PALM2AKAP2: variants seen among roughly 807,000 people sequenced by gnomAD.
PALM2AKAP2 encodes PALM2 and AKAP2 fusion.
In PALM2AKAP2, 37 loss-of-function variants were observed where a neutral mutation model predicts 71.5. The observed-to-expected ratio is 0.52, with a 90% CI of 0.40 to 0.68. The LOEUF (loss-of-function observed/expected upper bound fraction) is 0.68, where lower values mean the gene tolerates loss of function less well. Ranked by LOEUF, PALM2AKAP2 falls within the 30% of genes least tolerant of loss-of-function variation. The pLI is 0.00. For missense variants in PALM2AKAP2, 1,224 were observed against 1,191.8 expected (o/e 1.03, Z -0.40); for synonymous variants, 468 against 478.8 (o/e 0.98, Z 0.29).
chr9:109,797,669 G>C (rs937173994), intron 1 of PALM2AKAP2, among the ~76,000 whole-genome samples: 1 of 152,200 alleles, frequency 6.6e-6, no homozygotes, highest in African/African-American at 2.4e-5. Flanking sequence ...TGAACCGCCA[G>C]GGCAGGGGCA....
intron 6 of PALM2AKAP2, among the ~76,000 whole-genome samples, chr9:110,000,151 T>C (rs55812848): frequency 0.022 from 3,154 of 146,258 alleles, 57 homozygotes; most frequent in South Asian, 0.088. Context: ...CCTAATGCTA[T>C]CCCTCCCCCC....
At chr9:110,036,889 T>G (rs1473123920) in intron 7 of PALM2AKAP2, among the ~76,000 whole-genome samples, 1 of 152,168 alleles carries the variant, frequency 6.6e-6, no homozygotes, top group East Asian at 1.9e-4. Flanking sequence ...TCTCCAGGTC[T>G]CTGCTCAAAT....
intron 1 of PALM2AKAP2, among the ~76,000 whole-genome samples, chr9:109,757,772 A>AG (rs1415386854): frequency 5.9e-5 from 9 of 152,128 alleles, no homozygotes; most frequent in African/African-American, 1.7e-4. Flanking sequence ...AAAAATGTAT[A>AG]GGCTTGTCTA....
chr9:109,869,763 G>A (rs905885982), intron 2 of PALM2AKAP2, among the ~76,000 whole-genome samples: 1 of 152,116 alleles, frequency 6.6e-6, no homozygotes, highest in East Asian at 1.9e-4. Context: ...AAGGGAATCA[G>A]CTAGTTCTTT....
intron 1 of PALM2AKAP2, among the ~76,000 whole-genome samples, chr9:110,063,005 G>A (rs913444505): frequency 6.6e-6 from 1 of 152,122 alleles, no homozygotes; most frequent in East Asian, 1.9e-4. Context: ...AGTCACCCAG[G>A]CCCTGCCAGA....
chr9:110,121,694 G>T (rs1419183700), intron 1 of PALM2AKAP2, among the ~76,000 whole-genome samples: 1 of 152,178 alleles, frequency 6.6e-6, no homozygotes, highest in Non-Finnish European at 1.5e-5. Context: ...GTTACATTTA[G>T]CAGAATAAAA....
chr9:109,843,517 G>C (rs1485211200), intron 1 of PALM2AKAP2, among the ~76,000 whole-genome samples: 4 of 151,812 alleles, frequency 2.6e-5, no homozygotes, highest in Middle Eastern at 3.2e-3. Flanking sequence ...TATCATGTGT[G>C]AATATATATA....
chr9:109,929,295 C>T (rs1831035455), intron 5 of PALM2AKAP2, among the ~76,000 whole-genome samples: 1 of 151,576 alleles, frequency 6.6e-6, no homozygotes, highest in South Asian at 2.1e-4. Flanking sequence ...AAGTCAAATT[C>T]ACCAAGATCC....
chr9:109,702,614 G>A (rs1489627868), intron 1 of PALM2AKAP2, among the ~76,000 whole-genome samples: 1 of 151,076 alleles, frequency 6.6e-6, no homozygotes, highest in East Asian at 1.9e-4. Context: ...TAGGGGGGAG[G>A]GATAGCATTA....
chr9:109,905,635 A>T (rs561160402), intron 3 of PALM2AKAP2, among the ~76,000 whole-genome samples: 9 of 152,318 alleles, frequency 5.9e-5, no homozygotes, highest in Admixed American at 5.9e-4. Context: ...CTCCATGACC[A>T]TCCTTCAGTC....
chr9:109,801,093 T>C (rs573157032), intron 1 of PALM2AKAP2, among the ~76,000 whole-genome samples: 1 of 152,174 alleles, frequency 6.6e-6, no homozygotes, highest in Admixed American at 6.5e-5. Context: ...GATAACAGGG[T>C]AGATTTGGGG....
chr9:109,966,136 A>G (rs1381745074), intron 6 of PALM2AKAP2, among the ~76,000 whole-genome samples: 2 of 152,204 alleles, frequency 1.3e-5, no homozygotes, highest in Admixed American at 6.5e-5. Flanking sequence ...CACTAAAACT[A>G]TCTGGGCAGG....
At chr9:109,954,251 T>G (rs1313539517) in intron 6 of PALM2AKAP2, among the ~76,000 whole-genome samples, 1 of 152,104 alleles carries the variant, frequency 6.6e-6, no homozygotes, top group African/African-American at 2.4e-5. Context: ...ATTGTTACTA[T>G]TTCACCACTG....
intron 1 of PALM2AKAP2, among the ~76,000 whole-genome samples, chr9:109,801,544 C>T (rs1250998997): frequency 2.6e-5 from 4 of 152,162 alleles, no homozygotes; most frequent in Admixed American, 2.0e-4. Flanking sequence ...AGCAAAAAAG[C>T]AAGCTCAGGC....
chr9:109,761,623 G>C (rs547372610), intron 1 of PALM2AKAP2, among the ~76,000 whole-genome samples: 31 of 152,282 alleles, frequency 2.0e-4, no homozygotes, highest in African/African-American at 7.2e-4. Context: ...AACATGCCGT[G>C]TTTGGTTTTC....
intron 1 of PALM2AKAP2, among the ~76,000 whole-genome samples, chr9:109,751,182 C>T (rs768515095): frequency 1.3e-4 from 20 of 152,114 alleles, no homozygotes; most frequent in Non-Finnish European, 2.5e-4. Flanking sequence ...TGGGGAACTG[C>T]GGTTGAGTTG....
In PALM2AKAP2 at chr9:109,932,087, C is replaced by G; in HGVS notation, c.496+59C>G. 9 of 1,513,230 alleles carry G rather than the reference C, an allele frequency of 5.9e-6. No homozygotes were observed. In the South Asian group the frequency reaches 1.1e-4, roughly 19 times the overall value. 93.7% of individuals were successfully genotyped at this position (1,513,230 alleles called of 1,614,324 possible). ...TCCAAGGGGCTTGCATTTCACTGAGCTTTATTAATGAGATGAGTGCCCTGC... is the reference window on the plus strand; with the variant it reads ...TCCAAGGGGCTTGCATTTCACTGAGGTTTATTAATGAGATGAGTGCCCTGC... On this transcript the variant is annotated intron_variant, in intron 6 of 9. Coordinates refer to the PALM2AKAP2 transcript ENST00000302798.
chr9:110,164,436 AG>A (rs1488169976), intron 3 of PALM2AKAP2, among the ~76,000 whole-genome samples: 2 of 152,192 alleles, frequency 1.3e-5, no homozygotes, highest in Non-Finnish European at 2.9e-5. Flanking sequence ...TTAATATTAA[AG>A]GGTTGTTGAG....
chr9:109,999,963 T>C (rs1832650846), intron 6 of PALM2AKAP2, among the ~76,000 whole-genome samples: 1 of 151,874 alleles, frequency 6.6e-6, no homozygotes. Context: ...TTTTAAAGAC[T>C]GAAATTTTTG....
Sources: allele counts gnomAD v4.1 joint callset (sites outside exome capture counted in the v4.1 genomes callset), GRCh38; gene constraint gnomAD v4.1.1; transcripts MANE v1.5; gene names NCBI Gene and HGNC (gene_info 2026-07-23, HGNC 2026-07-21).